Variants in HHAT observed in about 807,000 individuals in gnomAD.
HHAT encodes the protein hedgehog acyltransferase.
In HHAT, 47 loss-of-function variants were observed where a neutral mutation model predicts 70.8. The observed-to-expected ratio is 0.66, with a 90% CI of 0.53 to 0.85. HHAT has a LOEUF of 0.85. Ranked by LOEUF, HHAT falls within the 40% of genes least tolerant of loss-of-function variation. The pLI is 0.00. For missense variants in HHAT, 609 were observed against 604.8 expected (o/e 1.01, Z -0.07); for synonymous variants, 228 against 247.6 (o/e 0.92, Z 0.74).
chr1:210,587,355 C>T (rs1178262032), intron 9 of HHAT, among the ~76,000 whole-genome samples: 2 of 152,176 alleles, frequency 1.3e-5, no homozygotes, highest in African/African-American at 4.8e-5. Context: ...TTTATACAAC[C>T]ATCAGATCTC....
intron 6 of HHAT, among the ~76,000 whole-genome samples, chr1:210,412,881 A>G (rs2092605642): frequency 6.6e-6 from 1 of 152,162 alleles, no homozygotes; most frequent in Non-Finnish European, 1.5e-5. Context: ...GGAGGCAGCC[A>G]CACCCCCTCA....
At chr1:210,541,638 A>G (rs1294094689) in intron 9 of HHAT, among the ~76,000 whole-genome samples, 1 of 152,192 alleles carries the variant, frequency 6.6e-6, no homozygotes, top group Non-Finnish European at 1.5e-5. Context: ...AAGGCAGGAG[A>G]ATCACTTGAA....
intron 6 of HHAT, among the ~76,000 whole-genome samples, chr1:210,405,320 C>T (rs1362773828): frequency 1.3e-5 from 2 of 152,054 alleles, no homozygotes; most frequent in Non-Finnish European, 2.9e-5. Context: ...ACTTTTCCCC[C>T]TTGTTTAGAA....
chr1:210,631,924 CA>C (rs1186775712), intron 11 of HHAT, among the ~76,000 whole-genome samples: 1 of 152,172 alleles, frequency 6.6e-6, no homozygotes, highest in African/African-American at 2.4e-5. Flanking sequence ...TATCTTGAAA[CA>C]AAGACGGAAA....
At chr1:210,447,123 A>G (rs2093651292) in intron 7 of HHAT, among the ~76,000 whole-genome samples, 1 of 152,240 alleles carries the variant, frequency 6.6e-6, no homozygotes, top group African/African-American at 2.4e-5. Context: ...TCTTAACCCC[A>G]TATCCACTAA....
intron 9 of HHAT, among the ~76,000 whole-genome samples, chr1:210,527,152 C>T (rs895084429): frequency 2.0e-5 from 3 of 152,122 alleles, no homozygotes; most frequent in Admixed American, 1.3e-4. Context: ...CCCTTATCAC[C>T]ACCTTCCAAG....
intron 9 of HHAT, among the ~76,000 whole-genome samples, chr1:210,558,013 G>C (rs1424674932): frequency 6.6e-6 from 1 of 152,148 alleles, no homozygotes; most frequent in Non-Finnish European, 1.5e-5. Flanking sequence ...CTGGAAAAGT[G>C]GCTACACTTT....
chr1:210,594,237 T>C (rs1573584720), intron 10 of HHAT, among the ~76,000 whole-genome samples: 1 of 152,294 alleles, frequency 6.6e-6, no homozygotes, highest in East Asian at 1.9e-4. Flanking sequence ...GTCTTCTCCT[T>C]CTTTCCCTCC....
chr1:210,648,653 CA>C (rs35177394), intron 11 of HHAT, among the ~76,000 whole-genome samples: 44,919 of 152,088 alleles, frequency 0.3, 7,258 homozygotes, highest in East Asian at 0.39. Context: ...TAAAGCCCCA[CA>C]AGCTGATTGA....
chr1:210,637,547 TAAA>T (rs1351690771), intron 11 of HHAT, among the ~76,000 whole-genome samples: 2 of 151,964 alleles, frequency 1.3e-5, no homozygotes, highest in Non-Finnish European at 1.5e-5. Flanking sequence ...AACTCAATGA[TAAA>T]AAAGACAAAT....
chr1:210,598,163 G>T (rs1221659217), intron 10 of HHAT, among the ~76,000 whole-genome samples: 5 of 151,884 alleles, frequency 3.3e-5, no homozygotes, highest in Non-Finnish European at 5.9e-5. Flanking sequence ...ACTCTGCCTG[G>T]CCCCCTATCT....
intron 11 of HHAT, among the ~76,000 whole-genome samples, chr1:210,660,507 T>G (rs1240854593): frequency 6.6e-6 from 1 of 152,198 alleles, no homozygotes; most frequent in African/African-American, 2.4e-5. Flanking sequence ...ATTTATAGAT[T>G]CAGTGCCATC....
At chr1:210,541,793 G>A (rs1429273790) in intron 9 of HHAT, among the ~76,000 whole-genome samples, 1 of 152,152 alleles carries the variant, frequency 6.6e-6, no homozygotes, top group African/African-American at 2.4e-5. Flanking sequence ...AACTTCAGAG[G>A]TTTAGGTGGA....
chr1:210,537,697 G>A (rs895680015), intron 9 of HHAT, among the ~76,000 whole-genome samples: 2 of 152,232 alleles, frequency 1.3e-5, no homozygotes, highest in African/African-American at 4.8e-5. Flanking sequence ...GAAGGAAGAA[G>A]CAGGATATCA....
intron 1 of HHAT, among the ~76,000 whole-genome samples, chr1:210,346,128 C>T (rs917503871): frequency 2.0e-5 from 3 of 151,748 alleles, no homozygotes; most frequent in Non-Finnish European, 4.4e-5. Context: ...TTTTCTAGTT[C>T]CCTGAGGATT....
chr1:210,345,786 G>T (rs1473206980), intron 1 of HHAT, among the ~76,000 whole-genome samples: 1 of 152,168 alleles, frequency 6.6e-6, no homozygotes, highest in Non-Finnish European at 1.5e-5. Context: ...GTACAATCCA[G>T]CTAAGAGCAG....
At chr1:210,332,429 C>T (rs904044370) in intron 1 of HHAT, among the ~76,000 whole-genome samples, 2 of 152,208 alleles carry the variant, frequency 1.3e-5, no homozygotes, top group African/African-American at 2.4e-5. Context: ...CTAGTCAACC[C>T]AGATTGCGTA....
chr1:210,588,108 G>T lies in HHAT; in HGVS notation c.1245+9G>T, dbSNP rs757672842. Reference sequence around the variant, plus strand: ...GCATCCAGGACAGTCTGGTGAGCAGGATCCTTGCTGCTGTGTTAGGGGACA... The same window carrying T: ...GCATCCAGGACAGTCTGGTGAGCAGTATCCTTGCTGCTGTGTTAGGGGACA... On this transcript the variant is annotated intron_variant, in intron 10 of 11. Transcript: ENST00000261458. The T allele has an allele frequency of 6.3e-7, 1 of 1,589,294 alleles. No individual in the cohort carries two copies. Among genetic ancestry groups the T allele is most frequent in the Admixed American group, 1.8e-5 (1 of 55,682 alleles).
rs530765798 is a variant in HHAT at position 210,518,563 on chromosome 1, C to A, written c.1043+5375C>A. ...ATCCCAGCACTTTGGGAGGCTGAAT[C>A]GGGTAGATCACTTGAGGCCAGGAGT... On this transcript the variant is annotated intron_variant, in intron 9 of 11. Transcript: ENST00000261458. 3.9e-5 allele frequency among the ~76,000 whole-genome samples: 6 copies of A among 152,254 alleles called. No homozygotes were observed. In the East Asian group the frequency reaches 1.2e-3, roughly 29 times the overall value.
Sources: allele counts gnomAD v4.1 joint callset (sites outside exome capture counted in the v4.1 genomes callset), GRCh38; gene constraint gnomAD v4.1.1; transcripts MANE v1.5; gene names NCBI Gene and HGNC (gene_info 2026-07-23, HGNC 2026-07-21).